The following DMD variants were observed in gnomAD, a reference collection of about 807,000 sequenced individuals.
The protein encoded by DMD is dystrophin.
Under a neutral mutation model 330.1 loss-of-function variants are expected in DMD, and 63 were observed. That is an observed-to-expected ratio of 0.19 (90% CI 0.16 to 0.24). The LOEUF (loss-of-function observed/expected upper bound fraction) is 0.24. Among genes scored for constraint, DMD ranks in the 10% least tolerant of loss-of-function variants. The probability of loss-of-function intolerance (pLI) is 1.00; values close to 1 mark genes in which losing one functional copy is unlikely to be tolerated. For missense variants in DMD, 3,344 were observed against 2,684.1 expected (o/e 1.25, Z -5.43); for synonymous variants, 1,223 against 959.8 (o/e 1.27, Z -5.07).
intron 17 of DMD, among the ~76,000 whole-genome samples, chrX:32,541,802 C>A (rs228359): frequency 0.3 from 23,645 of 79,579 alleles, 2,113 homozygotes; most frequent in East Asian, 0.52. Flanking sequence ...TGAACCTAAA[C>A]TAAAAGTTGG....
chrX:32,304,448 G>A (rs1485708068), intron 42 of DMD, among the ~76,000 whole-genome samples: 1 of 110,293 alleles, frequency 9.1e-6, no homozygotes, highest in Non-Finnish European at 1.9e-5. Context: ...GATAAAGAAT[G>A]GATAATTTCC....
intron 60 of DMD, among the ~76,000 whole-genome samples, chrX:31,426,407 C>G (rs2063719074): frequency 8.9e-6 from 1 of 112,160 alleles, no homozygotes; most frequent in African/African-American, 3.2e-5. Flanking sequence ...CCTGTTTCAA[C>G]TGGCCGCAGC....
intron 20 of DMD, among the ~76,000 whole-genome samples, chrX:32,490,232 A>G (rs2042866214): frequency 8.9e-6 from 1 of 111,849 alleles, no homozygotes; most frequent in African/African-American, 3.3e-5. Flanking sequence ...ATCTCGATCT[A>G]TCACTAAACG....
At chrX:33,319,848 T>C (rs1323134675) in intron 1 of DMD, among the ~76,000 whole-genome samples, 1 of 111,683 alleles carries the variant, frequency 9.0e-6, no homozygotes, top group African/African-American at 3.3e-5. Context: ...TCCATTAAGG[T>C]AAGGATATAG....
intron 62 of DMD, among the ~76,000 whole-genome samples, chrX:31,262,183 C>A (rs771367559): frequency 8.9e-6 from 1 of 112,141 alleles, no homozygotes; most frequent in Admixed American, 9.4e-5. Context: ...GGTAAGTGAC[C>A]GGCACCATTT....
intron 1 of DMD, among the ~76,000 whole-genome samples, chrX:33,120,823 G>A (rs183161402): frequency 0.031 from 2,788 of 90,123 alleles, 118 homozygotes; most frequent in African/African-American, 0.11. Flanking sequence ...GGAGGTTGCA[G>A]TGAGCTGAGA....
At position 31,868,373 on chromosome X, in the gene DMD, T is replaced by G. The variant is rs776860678; in HGVS notation, c.7098+6815A>C. Among the ~76,000 whole-genome samples the G allele has an allele frequency of 2.7e-5, 3 of 112,486 alleles. No homozygotes were observed. The East Asian group carries it at 8.3e-4, about 31-fold the overall frequency. On this transcript the variant is annotated intron_variant, in intron 48 of 78. Coordinates refer to ENST00000357033, the MANE Select transcript of DMD (RefSeq NM_004006.3). ...TGCTTTTGTAAACAGAATGAAACAT[T>G]AATCTTTTTATCCCTGCCTGATCCC...
intron 64 of DMD, among the ~76,000 whole-genome samples, chrX:31,219,440 A>G: frequency 9.0e-6 from 1 of 110,842 alleles, no homozygotes; most frequent in Non-Finnish European, 1.9e-5. Flanking sequence ...GATAAGCCCA[A>G]CTTCATCATC....
intron 61 of DMD, among the ~76,000 whole-genome samples, chrX:31,328,341 G>A (rs1284134128): frequency 2.7e-5 from 3 of 110,844 alleles, no homozygotes; most frequent in Non-Finnish European, 5.6e-5. Flanking sequence ...ATTGATATAA[G>A]TGTAAAGAGA....
At chrX:33,269,826 G>A (rs184440160) in intron 1 of DMD, among the ~76,000 whole-genome samples, 2 of 110,921 alleles carry the variant, frequency 1.8e-5, no homozygotes, top group African/African-American at 6.5e-5. Context: ...TTTATGAGTA[G>A]AATTATATGC....
At chrX:31,889,358 ACCTT>A (rs2094200946) in intron 47 of DMD, among the ~76,000 whole-genome samples, 2 of 110,986 alleles carry the variant, frequency 1.8e-5, no homozygotes, top group East Asian at 5.7e-4. Context: ...CTGACTGTTC[ACCTT>A]GATCTAAACC....
At chrX:31,454,718 T>G (rs186325015) in intron 59 of DMD, among the ~76,000 whole-genome samples, 119 of 111,147 alleles carry the variant, frequency 1.1e-3, no homozygotes, top group African/African-American at 3.7e-3. Flanking sequence ...AAATGTTGAG[T>G]TCCTAGAACT....
intron 41 of DMD, among the ~76,000 whole-genome samples, chrX:32,328,757 G>A (rs1237610500): frequency 1.8e-5 from 2 of 110,072 alleles, no homozygotes; most frequent in African/African-American, 6.6e-5. Context: ...AAAGGACATT[G>A]TAACAAAATG....
At chrX:32,615,850 C>T (rs1322788451) in intron 11 of DMD, among the ~76,000 whole-genome samples, 3 of 111,575 alleles carry the variant, frequency 2.7e-5, no homozygotes, top group Non-Finnish European at 5.7e-5. Flanking sequence ...AATTAATGAA[C>T]CAATATTTGT....
At chrX:31,778,417 T>TCA (rs759502797) in intron 50 of DMD, among the ~76,000 whole-genome samples, 150 of 111,511 alleles carry the variant, frequency 1.3e-3, no homozygotes, top group African/African-American at 4.8e-3. Flanking sequence ...CATCGACCTC[T>TCA]CACATTAGAG....
At position 32,029,569 on chromosome X, in the gene DMD, C is replaced by T. The variant is rs780881732; in HGVS notation, c.6439-61055G>A. On this transcript the variant is annotated intron_variant, in intron 44 of 78. Transcript: ENST00000357033. Reference sequence around the variant, plus strand: ...CCAGCACAACACGTAATAAATGCTGCCTGGTTTGAATTGAACTTAAGGTAG... The same window carrying T: ...CCAGCACAACACGTAATAAATGCTGTCTGGTTTGAATTGAACTTAAGGTAG... Among the ~76,000 whole-genome samples the T allele has an allele frequency of 2.7e-5, 3 of 111,253 alleles. No individual in the cohort carries two copies. The East Asian group carries it at 8.6e-4, about 32-fold the overall frequency.
chrX:33,056,510 G>T (rs1263379125), intron 1 of DMD, among the ~76,000 whole-genome samples: 1 of 109,747 alleles, frequency 9.1e-6, no homozygotes, highest in African/African-American at 3.3e-5. Context: ...ACAGGCATGC[G>T]CCACCATGCC....
At position 31,836,699 on chromosome X, in the gene DMD, C is replaced by T; in HGVS notation, c.7200+19G>A. ...ACCCATTATGAGGTAATGGATATTG[C>T]TAGAGGTTGCTTCATTACCTTCACT... On this transcript the variant is annotated intron_variant, in intron 49 of 78. Transcript: ENST00000357033. 8.6e-7 allele frequency: 1 copy of T among 1,169,536 alleles called. No homozygotes were observed. The highest frequency in any genetic ancestry group is 1.2e-6 in the Non-Finnish European group (1 of 857,186).
intron 2 of DMD, among the ~76,000 whole-genome samples, chrX:32,884,400 C>A (rs1218172781): frequency 8.9e-6 from 1 of 112,023 alleles, no homozygotes; most frequent in East Asian, 2.8e-4. Flanking sequence ...AAAAGCGGTA[C>A]CAACAGCTAC....
Sources: allele counts gnomAD v4.1 joint callset (sites outside exome capture counted in the v4.1 genomes callset), GRCh38; gene constraint gnomAD v4.1.1; transcripts MANE v1.5; gene names NCBI Gene and HGNC (gene_info 2026-07-23, HGNC 2026-07-21).